The following SCHIP1 variants were observed in gnomAD, a reference collection of about 807,000 sequenced individuals.
SCHIP1 encodes schwannomin-interacting protein 1.
Under a neutral mutation model 29.7 loss-of-function variants are expected in SCHIP1, and 8 were observed. The observed-to-expected ratio is 0.27, with a 90% CI of 0.16 to 0.49. The LOEUF (loss-of-function observed/expected upper bound fraction) is 0.49, where lower values mean the gene tolerates loss of function less well. Among genes scored for constraint, SCHIP1 ranks in the 20% least tolerant of loss-of-function variants. SCHIP1 has a pLI of 0.99. For synonymous variants in SCHIP1, 76 were observed against 94.9 expected (o/e 0.80, Z 1.16); for missense variants, 193 against 294.6 (o/e 0.66, Z 2.52).
the SCHIP1 span, among the ~76,000 whole-genome samples, chr3:159,477,463 T>A: frequency 2.6e-5 from 4 of 152,178 alleles, no homozygotes; most frequent in Non-Finnish European, 4.4e-5. Flanking sequence ...TTCATCTTTT[T>A]GATAAAAGCT....
chr3:159,584,388 A>AT, the SCHIP1 span, among the ~76,000 whole-genome samples: 2 of 152,214 alleles, frequency 1.3e-5, no homozygotes, highest in East Asian at 3.8e-4. Context: ...ATTTAACGTT[A>AT]TCTTTCAAGA....
At chr3:159,420,036 C>T in the SCHIP1 span, among the ~76,000 whole-genome samples, 221 of 152,248 alleles carry the variant, frequency 1.5e-3, 1 homozygote, top group African/African-American at 5.1e-3. Context: ...CATGACCATC[C>T]GTTAAGAGCT....
At chr3:159,598,498 T>C in the SCHIP1 span, among the ~76,000 whole-genome samples, 6 of 152,162 alleles carry the variant, frequency 3.9e-5, no homozygotes, top group Non-Finnish European at 7.3e-5. Flanking sequence ...AGTCATTAAA[T>C]CTTAAAGCTC....
chr3:159,621,070 C>T, the SCHIP1 span, among the ~76,000 whole-genome samples: 18 of 152,110 alleles, frequency 1.2e-4, no homozygotes, highest in African/African-American at 4.3e-4. Context: ...TCATCTATTA[C>T]TCACTATGAT....
the SCHIP1 span, among the ~76,000 whole-genome samples, chr3:159,499,166 G>A: frequency 6.6e-6 from 1 of 152,166 alleles, no homozygotes; most frequent in South Asian, 2.1e-4. Context: ...TAAACTCATA[G>A]TTCTTTCCTC....
the SCHIP1 span, among the ~76,000 whole-genome samples, chr3:159,568,041 G>T: frequency 6.6e-6 from 1 of 151,886 alleles, no homozygotes; most frequent in Admixed American, 6.6e-5. Context: ...ATTTCTAGGA[G>T]CCATTTTTGC....
the SCHIP1 span, chr3:159,274,631 TTA>T: frequency 1.2e-6 from 1 of 831,830 alleles, no homozygotes; most frequent in South Asian, 5.5e-5. Flanking sequence ...TATGATATTA[TTA>T]TATGACACAA....
the SCHIP1 span, among the ~76,000 whole-genome samples, chr3:159,310,270 A>G: frequency 2.0e-5 from 3 of 152,196 alleles, no homozygotes; most frequent in African/African-American, 7.2e-5. Context: ...AAACTGAAGA[A>G]TATTGCTGTA....
chr3:159,636,143 G>A, the SCHIP1 span, among the ~76,000 whole-genome samples: 1 of 152,172 alleles, frequency 6.6e-6, no homozygotes, highest in South Asian at 2.1e-4. Context: ...TTGCCTTTTG[G>A]GTTCAAGTGA....
At chr3:159,369,225 C>A in the SCHIP1 span, among the ~76,000 whole-genome samples, 2 of 152,118 alleles carry the variant, frequency 1.3e-5, no homozygotes, top group Non-Finnish European at 2.9e-5. Flanking sequence ...CACATCTATT[C>A]CTCTGTTGAA....
chr3:159,446,924 T>C, the SCHIP1 span, among the ~76,000 whole-genome samples: 2 of 152,196 alleles, frequency 1.3e-5, no homozygotes, highest in Non-Finnish European at 2.9e-5. Flanking sequence ...GGGCTTTCTG[T>C]AATAAAAATA....
the SCHIP1 span, among the ~76,000 whole-genome samples, chr3:159,677,165 G>A: frequency 2.0e-5 from 3 of 152,112 alleles, no homozygotes; most frequent in African/African-American, 7.2e-5. Flanking sequence ...AATGATCCAG[G>A]TACCCAATAC....
At chr3:159,395,619 G>A in the SCHIP1 span, among the ~76,000 whole-genome samples, 1,166 of 152,268 alleles carry the variant, frequency 7.7e-3, 24 homozygotes, top group Admixed American at 0.052. Context: ...TTTCCATGTA[G>A]TTGAGTGGTT....
At chr3:159,437,526 T>C in the SCHIP1 span, among the ~76,000 whole-genome samples, 1 of 152,102 alleles carries the variant, frequency 6.6e-6, no homozygotes, top group Non-Finnish European at 1.5e-5. Flanking sequence ...TTCAACCTCC[T>C]TACCACCACT....
chr3:159,676,783 C>T, the SCHIP1 span, among the ~76,000 whole-genome samples: 2 of 152,150 alleles, frequency 1.3e-5, no homozygotes, highest in African/African-American at 4.8e-5. Context: ...CCGTGGTCAT[C>T]CAACCACCAT....
At chr3:159,631,964 T>A in the SCHIP1 span, among the ~76,000 whole-genome samples, 5 of 152,140 alleles carry the variant, frequency 3.3e-5, no homozygotes, top group Non-Finnish European at 5.9e-5. Context: ...CTTTTTTCCT[T>A]AATGAATATG....
At chr3:159,442,530 G>A in the SCHIP1 span, among the ~76,000 whole-genome samples, 9 of 152,208 alleles carry the variant, frequency 5.9e-5, no homozygotes, top group Non-Finnish European at 1.0e-4. Flanking sequence ...TACATGAAAA[G>A]GAAGAGTAAT....
At chr3:159,751,897 T>C in the SCHIP1 span, among the ~76,000 whole-genome samples, 4 of 152,172 alleles carry the variant, frequency 2.6e-5, no homozygotes. Context: ...TGAGCCCTAG[T>C]GGGAGGTGAT....
At chr3:159,632,743 C>T in the SCHIP1 span, among the ~76,000 whole-genome samples, 2 of 152,202 alleles carry the variant, frequency 1.3e-5, no homozygotes, top group African/African-American at 4.8e-5. Context: ...GGCAACTGAA[C>T]TGCCAGGGGA....
Sources: gnomAD v4.1 joint callset for allele counts (sites outside exome capture counted in the v4.1 genomes callset) on GRCh38, gnomAD v4.1.1 for gene constraint, MANE v1.5 for transcripts, NCBI Gene and HGNC (gene_info 2026-07-23, HGNC 2026-07-21) for gene names.